PCDH7: variants seen among roughly 807,000 people sequenced by gnomAD.
PCDH7 encodes the protein protocadherin 7, also known as protocadherin-7.
A neutral mutation model predicts 58.9 loss-of-function variants in PCDH7; 17 were observed. That is an observed-to-expected ratio of 0.29 (90% CI 0.20 to 0.43). The LOEUF (loss-of-function observed/expected upper bound fraction) is 0.43. Among genes scored for constraint, PCDH7 ranks in the 20% least tolerant of loss-of-function variants. The pLI is 1.00. For missense variants in PCDH7, 1,274 were observed against 1,441.0 expected (o/e 0.88, Z 1.88); for synonymous variants, 664 against 616.4 (o/e 1.08, Z -1.14).
intron 1 of PCDH7, among the ~76,000 whole-genome samples, chr4:30,811,991 G>A (rs369384736): frequency 5.3e-5 from 8 of 152,210 alleles, no homozygotes; most frequent in Middle Eastern, 3.4e-3. Context: ...CACAAGACGC[G>A]GTCCTCAAAT....
intron 3 of PCDH7, among the ~76,000 whole-genome samples, chr4:31,127,748 T>C (rs981288294): frequency 1.3e-5 from 2 of 152,144 alleles, no homozygotes; most frequent in African/African-American, 4.8e-5. Context: ...AATAAAACTT[T>C]AGTCTCTGAA....
At chr4:31,000,429 G>C (rs1301773069) in intron 3 of PCDH7, among the ~76,000 whole-genome samples, 1 of 152,086 alleles carries the variant, frequency 6.6e-6, no homozygotes, top group East Asian at 1.9e-4. Flanking sequence ...CAACAAATAA[G>C]TTGAGTTTTG....
At chr4:30,770,904 A>G (rs1357200874) in intron 1 of PCDH7, among the ~76,000 whole-genome samples, 1 of 152,194 alleles carries the variant, frequency 6.6e-6, no homozygotes, top group East Asian at 1.9e-4. Context: ...TTTGCAAAAT[A>G]TAAGCAACCT....
At chr4:31,061,896 T>G (rs1757718719) in intron 3 of PCDH7, among the ~76,000 whole-genome samples, 1 of 151,674 alleles carries the variant, frequency 6.6e-6, no homozygotes, top group Non-Finnish European at 1.5e-5. Flanking sequence ...AGAGACTTTG[T>G]TTATTGAATT....
intron 1 of PCDH7, among the ~76,000 whole-genome samples, chr4:30,846,702 TG>T (rs776162543): frequency 8.5e-5 from 13 of 152,094 alleles, no homozygotes; most frequent in Non-Finnish European, 1.6e-4. Flanking sequence ...TAAAAAGAAT[TG>T]CCTGTTGAGA....
intron 1 of PCDH7, among the ~76,000 whole-genome samples, chr4:30,811,387 A>G (rs1680697660): frequency 6.6e-6 from 1 of 152,312 alleles, no homozygotes; most frequent in Admixed American, 6.5e-5. Flanking sequence ...AAACATAATC[A>G]ATTACCTATA....
At chr4:31,075,330 G>C (rs1041009677) in intron 3 of PCDH7, among the ~76,000 whole-genome samples, 1 of 152,120 alleles carries the variant, frequency 6.6e-6, no homozygotes, top group Non-Finnish European at 1.5e-5. Context: ...AACAACCAGA[G>C]ATTAAGAGTA....
intron 3 of PCDH7, among the ~76,000 whole-genome samples, chr4:31,112,533 A>G (rs985374134): frequency 5.6e-4 from 85 of 152,336 alleles, no homozygotes; most frequent in African/African-American, 2.0e-3. Flanking sequence ...AGAACCTATC[A>G]ATACTGTATG....
intron 1 of PCDH7, among the ~76,000 whole-genome samples, chr4:30,862,335 G>T (rs1344027629): frequency 6.6e-6 from 1 of 152,150 alleles, no homozygotes; most frequent in Non-Finnish European, 1.5e-5. Context: ...TCCTTTACAG[G>T]AAGCAGAATT....
At chr4:31,013,009 G>A (rs919769965) in intron 3 of PCDH7, among the ~76,000 whole-genome samples, 7 of 149,254 alleles carry the variant, frequency 4.7e-5, no homozygotes, top group African/African-American at 1.7e-4. Flanking sequence ...AGTGAGAGAT[G>A]GTCTCTACAA....
At chr4:31,111,420 T>A (rs1239543489) in intron 3 of PCDH7, among the ~76,000 whole-genome samples, 1 of 151,974 alleles carries the variant, frequency 6.6e-6, no homozygotes, top group East Asian at 1.9e-4. Flanking sequence ...CGATTCTCCC[T>A]GCTTCAGCCT....
chr4:31,090,479 C>T (rs1229694179), intron 3 of PCDH7, among the ~76,000 whole-genome samples: 2 of 151,924 alleles, frequency 1.3e-5, no homozygotes, highest in Non-Finnish European at 2.9e-5. Context: ...CTATAGTCAC[C>T]CTGTTGTGCT....
rs149841168 is a variant in PCDH7 at position 31,073,176 on chromosome 4, G to A, written c.*8-69297G>A. 4.3e-3 allele frequency among the ~76,000 whole-genome samples: 650 copies of A among 152,224 alleles called. 2 individuals carry two copies. Among genetic ancestry groups the A allele is most frequent in the African/African-American group, 0.015 (613 of 41,532 alleles). ...AGGGCATAGTTTTTTGGGGTAGAAGGCCTTGATTACTGTGCTTAGGGGATT... is the reference window on the plus strand; with the variant it reads ...AGGGCATAGTTTTTTGGGGTAGAAGACCTTGATTACTGTGCTTAGGGGATT... On this transcript the variant is annotated intron_variant, in intron 3 of 3. Coordinates refer to the PCDH7 transcript ENST00000509759.
rs35105911 is a variant in PCDH7 at position 31,113,831 on chromosome 4, C to CTT, written c.*8-28623_*8-28622dup. 6.7e-4 allele frequency among the ~76,000 whole-genome samples: 72 copies of CTT among 107,484 alleles called. 1 individual carries two copies. Among genetic ancestry groups the CTT allele is most frequent in the African/African-American group, 1.7e-3 (44 of 26,102 alleles). 70.5% of individuals were successfully genotyped at this position (107,484 alleles called of 152,430 possible). ...TTTTGAAATTTAAAAGTTAACCTTTCTTTTTTTTTTTTTTTTTTTTGAGAT... is the reference window on the plus strand; with the variant it reads ...TTTTGAAATTTAAAAGTTAACCTTTCTTTTTTTTTTTTTTTTTTTTTTGAGAT... On this transcript the variant is annotated intron_variant, in intron 3 of 3. Coordinates refer to the PCDH7 transcript ENST00000509759.
chr4:30,784,942 T>C (rs1403742549), intron 1 of PCDH7, among the ~76,000 whole-genome samples: 1 of 152,068 alleles, frequency 6.6e-6, no homozygotes, highest in Non-Finnish European at 1.5e-5. Flanking sequence ...TGTGATACTA[T>C]GATATAACAA....
intron 3 of PCDH7, among the ~76,000 whole-genome samples, chr4:31,047,093 G>GT (rs996931872): frequency 1.1e-4 from 17 of 151,628 alleles, no homozygotes; most frequent in Admixed American, 2.0e-4. Context: ...TTTTTTGTTT[G>GT]TTTTTTTTAA....
intron 3 of PCDH7, among the ~76,000 whole-genome samples, chr4:30,984,356 G>A (rs78765213): frequency 1.3e-5 from 2 of 152,090 alleles, no homozygotes; most frequent in Non-Finnish European, 2.9e-5. Flanking sequence ...TTTGTTCGAC[G>A]CTTATTGTGA....
intron 1 of PCDH7, among the ~76,000 whole-genome samples, chr4:30,829,693 A>G (rs1249238752): frequency 5.3e-5 from 8 of 152,234 alleles, no homozygotes; most frequent in Middle Eastern, 6.8e-3. Context: ...GACTATGACA[A>G]TGTCACCAAT....
chr4:31,107,540 A>T (rs1261234963), intron 3 of PCDH7, among the ~76,000 whole-genome samples: 1 of 152,200 alleles, frequency 6.6e-6, no homozygotes, highest in African/African-American at 2.4e-5. Context: ...CAGAAACAGG[A>T]CATCAGTCAA....
Sources: gnomAD v4.1 joint callset for allele counts (sites outside exome capture counted in the v4.1 genomes callset) on GRCh38, gnomAD v4.1.1 for gene constraint, MANE v1.5 for transcripts, NCBI Gene and HGNC (gene_info 2026-07-23, HGNC 2026-07-21) for gene names.